Variants in MARCHF4 observed in about 807,000 individuals in gnomAD.
MARCHF4 encodes membrane associated ring-CH-type finger 4, also known as E3 ubiquitin-protein ligase MARCHF4.
A neutral mutation model predicts 43.9 loss-of-function variants in MARCHF4; 14 were observed. That is an observed-to-expected ratio of 0.32 (90% CI 0.21 to 0.50). The LOEUF is 0.50. Among genes scored for constraint, MARCHF4 ranks in the 20% least tolerant of loss-of-function variants. MARCHF4 has a pLI of 0.98. For synonymous variants in MARCHF4, 226 were observed against 213.3 expected (o/e 1.06, Z -0.52); for missense variants, 468 against 536.7 (o/e 0.87, Z 1.27).
At chr2:216,343,418 T>C (rs1692263848) in intron 1 of MARCHF4, among the ~76,000 whole-genome samples, 1 of 152,178 alleles carries the variant, frequency 6.6e-6, no homozygotes, top group Non-Finnish European at 1.5e-5. Context: ...ACTAATCCCA[T>C]CATGGAGAAT....
intron 1 of MARCHF4, among the ~76,000 whole-genome samples, chr2:216,334,489 C>A (rs1410536709): frequency 6.6e-6 from 1 of 152,120 alleles, no homozygotes; most frequent in Non-Finnish European, 1.5e-5. Flanking sequence ...TAGCCTCCAA[C>A]TCCTGAACTC....
At chr2:216,274,188 T>C (rs753141840) in intron 3 of MARCHF4, among the ~76,000 whole-genome samples, 1 of 152,204 alleles carries the variant, frequency 6.6e-6, no homozygotes, top group Non-Finnish European at 1.5e-5. Context: ...GGGTCTCATC[T>C]TCTTGCTCCT....
chr2:216,313,514 A>G (rs1380579439), intron 1 of MARCHF4, among the ~76,000 whole-genome samples: 3 of 152,210 alleles, frequency 2.0e-5, no homozygotes, highest in African/African-American at 7.2e-5. Flanking sequence ...CCTGATTGTA[A>G]AGCTCCCGTA....
intron 1 of MARCHF4, among the ~76,000 whole-genome samples, chr2:216,300,367 T>TATATATATATATATATATATAC (rs1691476013): frequency 6.7e-6 from 1 of 149,540 alleles, no homozygotes; most frequent in African/African-American, 2.5e-5. Context: ...TATATATATA[T>TATATATATATATATATATATAC]ATGACTTACT....
chr2:216,319,651 T>C (rs1009659801), intron 1 of MARCHF4, among the ~76,000 whole-genome samples: 7 of 152,220 alleles, frequency 4.6e-5, no homozygotes, highest in Non-Finnish European at 8.8e-5. Context: ...ATAGAAACTT[T>C]TATTGGTCTC....
intron 1 of MARCHF4, among the ~76,000 whole-genome samples, chr2:216,354,987 T>A (rs866201608): frequency 6.3e-5 from 6 of 94,580 alleles, no homozygotes; most frequent in South Asian, 3.6e-4. Context: ...TTCTTTCTTT[T>A]TTGAGACAGA....
At chr2:216,302,994 A>G (rs1037257649) in intron 1 of MARCHF4, among the ~76,000 whole-genome samples, 7 of 151,848 alleles carry the variant, frequency 4.6e-5, no homozygotes, top group African/African-American at 1.5e-4. Flanking sequence ...TAATCCCCCC[A>G]AAATCACACC....
chr2:216,260,667 G>A (rs1200128567), intron 3 of MARCHF4, among the ~76,000 whole-genome samples: 1 of 152,198 alleles, frequency 6.6e-6, no homozygotes, highest in Non-Finnish European at 1.5e-5. Context: ...GTTGAGCAGA[G>A]GCCAATGGAT....
Sources: gnomAD v4.1 joint callset for allele counts (sites outside exome capture counted in the v4.1 genomes callset) on GRCh38, gnomAD v4.1.1 for gene constraint, MANE v1.5 for transcripts, NCBI Gene and HGNC (gene_info 2026-07-23, HGNC 2026-07-21) for gene names.